Variants in NBN observed in about 807,000 individuals in gnomAD.
NBN encodes the protein Nijmegen breakage syndrome 1 (nibrin).
In NBN, 88 loss-of-function variants were observed where a neutral mutation model predicts 90.8. The observed-to-expected ratio is 0.97, with a 90% CI of 0.82 to 1.16. NBN has a LOEUF of 1.16. Ranked by LOEUF, NBN falls within the 50% of genes most tolerant of loss-of-function variation. NBN has a pLI of 0.00. For synonymous variants in NBN, 328 were observed against 295.1 expected (o/e 1.11, Z -1.14); for missense variants, 894 against 869.6 (o/e 1.03, Z -0.35).
intron 10 of NBN, 66 bp from the exon 11 acceptor site, chr8:89,953,757 T>G (rs1027822672): frequency 1.6e-6 from 2 of 1,268,876 alleles, no homozygotes; most frequent in African/African-American, 3.0e-5. Context: ...ACCATTTAGT[T>G]TGGCAATATT....
Position 89,953,658 on chromosome 8 carries a change from T to C in NBN, c.1431A>G (p.Ser477=), listed in dbSNP as rs759060729. The C allele has an allele frequency of 6.2e-7, 1 of 1,612,304 alleles. No individual in the cohort carries two copies. The highest frequency in any genetic ancestry group is 8.5e-7 in the Non-Finnish European group (1 of 1,179,428). ...ERDEENQEMS[S]CKSARIETSC... is the part of the protein sequence containing the mutation. The stretch of plus-strand genomic sequence containing the variant: ...ACGTTTCTATTCTTGCTGATTTGCA[T>C]GAAGACATTTCTTGATTTTCTTCAT... The change falls in exon 11 of 16, where the codon TCA becomes TCG. Residue 477 remains serine (S), a synonymous_variant. Coordinates refer to ENST00000265433, the MANE Select transcript of NBN (RefSeq NM_002485.5).
intron 7 of NBN, among the ~76,000 whole-genome samples, chr8:89,969,024 G>A (rs1427600927): frequency 6.6e-6 from 1 of 152,120 alleles, no homozygotes; most frequent in Non-Finnish European, 1.5e-5. Flanking sequence ...AAGCCTGTAA[G>A]AGAAAAAAAG....
At position 89,982,746 on chromosome 8, in the gene NBN, A is replaced by G. The variant is rs749206453; in HGVS notation, c.147T>C (p.Thr49=). The change falls in exon 2 of 16, where the codon ACT becomes ACC. Residue 49 remains threonine (T), a synonymous_variant. Coordinates refer to ENST00000265433, the MANE Select transcript of NBN (RefSeq NM_002485.5). The part of the protein sequence containing the change: ...QSISRNHAVL[T]ANFSVTNLSQ... ...CCAGGTTGGTTACAGAAAAGTTAGC[A>G]GTTAACACAGCATGATTTCGGCTGA... 6.2e-7 allele frequency: 1 copy of G among 1,614,030 alleles called. No homozygotes were observed. The highest frequency in any genetic ancestry group is 2.2e-5 in the East Asian group (1 of 44,848).
intron 14 of NBN, among the ~76,000 whole-genome samples, chr8:89,942,965 G>A (rs1439148268): frequency 6.7e-6 from 1 of 149,814 alleles, no homozygotes; most frequent in Non-Finnish European, 1.5e-5. Flanking sequence ...CATTCTTTTA[G>A]TTTCCCTTAA....
rs1586035456 is a variant in NBN at position 89,943,345 on chromosome 8, T to C, written c.2092A>G (p.Lys698Glu). 6.2e-7 allele frequency: 1 copy of C among 1,607,948 alleles called. No homozygotes were observed. The highest frequency in any genetic ancestry group is 8.5e-7 in the Non-Finnish European group (1 of 1,174,478). Residue 698 changes from lysine to glutamate, a missense_variant, in exon 14 of 16, where the codon AAA (lysine) becomes GAA (glutamate). Transcript: ENST00000265433. The part of the protein sequence containing the change: ...FKKVTYPGAG[K>E]LPHIIGGSDL... ...GATCCTCCAATGATGTGTGGAAGTT[T>C]TCCTGCTCCAGGATATGTGACCTAT...
intron 1 of NBN, 59 bp downstream of exon 1, chr8:89,984,466 C>T: frequency 1.3e-6 from 2 of 1,518,286 alleles, no homozygotes; most frequent in Non-Finnish European, 1.8e-6. Context: ...CCCGCAGGCC[C>T]TCCCCCGAGG....
At chr8:89,984,135 G>C (rs1812211531) in intron 1 of NBN, 1 of 354,114 alleles carries the variant, frequency 2.8e-6, no homozygotes, top group Non-Finnish European at 5.3e-6. Context: ...CACAAGTCAT[G>C]TGTGGCCCCC....
intron 11 of NBN, among the ~76,000 whole-genome samples, chr8:89,950,581 C>G (rs962523490): frequency 1.3e-5 from 2 of 152,046 alleles, no homozygotes; most frequent in African/African-American, 2.4e-5. Context: ...CTCCAAAAGC[C>G]TACAACAACA....
At chr8:89,964,561 A>G in intron 7 of NBN, 54 bp from the exon 8 acceptor site, 2 of 1,500,850 alleles carry the variant, frequency 1.3e-6, no homozygotes, top group Admixed American at 3.4e-5. Flanking sequence ...AGCAACTTTT[A>G]TTCAGATAAT....
rs1554569658 is a variant in NBN, at chr8:89,984,526, T to G, written c.36A>C (p.Gly12=). The change falls in exon 1 of 16, where the codon GGA becomes GGC. Residue 12 remains glycine, a splice_region_variant and synonymous_variant. Transcript: ENST00000265433. ...WKLLPAAGPA[G]GEPYRLLTGV... is the part of the protein sequence containing the mutation. ...CCGAGGCTTCCCTTCTGCCCTTACC[T>G]CCTGCCGGGCCCGCGGCGGGCAGCA... 1 of 1,612,956 alleles carries G rather than the reference T, an allele frequency of 6.2e-7. No individual in the cohort carries two copies. The highest frequency in any genetic ancestry group is 8.5e-7 in the Non-Finnish European group (1 of 1,179,578).
At chr8:89,959,471 A>G (rs531268350) in intron 8 of NBN, among the ~76,000 whole-genome samples, 1 of 152,304 alleles carries the variant, frequency 6.6e-6, no homozygotes, top group East Asian at 1.9e-4. Flanking sequence ...TAACAATTCA[A>G]GCCAGGTGCA....
At chr8:89,967,232 G>T (rs1047331207) in intron 7 of NBN, among the ~76,000 whole-genome samples, 6 of 152,138 alleles carry the variant, frequency 3.9e-5, no homozygotes, top group African/African-American at 1.4e-4. Context: ...AGTGAGTGTG[G>T]GTGGGTGTGT....
chr8:89,961,446 C>CA lies in NBN; in HGVS notation c.995-2593dup, dbSNP rs1389426531. On this transcript the variant is annotated intron_variant, in intron 8 of 15. Coordinates refer to ENST00000265433, the MANE Select transcript of NBN (RefSeq NM_002485.5). ...GTAGGAAGAAACTCCGGCTGGAATG[C>CA]AAAAAAGCTACTGAGCATAGAAACA... Among the ~76,000 whole-genome samples, 4 of 152,116 alleles carry CA rather than the reference C, an allele frequency of 2.6e-5. No homozygotes were observed. In the East Asian group the frequency reaches 7.7e-4, roughly 29 times the overall value.
chr8:89,973,158 CT>C (rs1324222170), intron 5 of NBN, among the ~76,000 whole-genome samples: 8 of 152,168 alleles, frequency 5.3e-5, no homozygotes, highest in Non-Finnish European at 2.9e-5. Flanking sequence ...GAAACTGTAA[CT>C]TTTTTTGGCT....
intron 2 of NBN, chr8:89,981,911 C>T (rs768651844): frequency 9.7e-5 from 89 of 916,712 alleles, no homozygotes; most frequent in Middle Eastern, 3.6e-4. Flanking sequence ...AAAAATTAGT[C>T]CCATGAGAAT....
chr8:89,944,477 C>T (rs1810097429), intron 13 of NBN, among the ~76,000 whole-genome samples: 1 of 152,184 alleles, frequency 6.6e-6, no homozygotes, highest in Non-Finnish European at 1.5e-5. Context: ...TGTGCTCAGT[C>T]CTCTCGCTGA....
chr8:89,968,303 G>A (rs1323851521), intron 7 of NBN, among the ~76,000 whole-genome samples: 1 of 152,006 alleles, frequency 6.6e-6, no homozygotes. Flanking sequence ...GGGGCCAAGT[G>A]TCACCTCATG....
rs13312871 is a variant in NBN at position 89,978,732 on chromosome 8, C to A, written c.481-409G>T. On this transcript the variant is annotated intron_variant, in intron 4 of 15. Coordinates refer to ENST00000265433, the MANE Select transcript of NBN (RefSeq NM_002485.5). ...AGGGAAGACAATATTAGGAGATGAA[C>A]ATGAGCTATTTTTAGACTAATTGTC... is the stretch of plus-strand genomic sequence containing the variant. 7.7e-3 allele frequency among the ~76,000 whole-genome samples: 1,168 copies of A among 152,242 alleles called. 17 individuals are homozygous for A. Among genetic ancestry groups the A allele is most frequent in the African/African-American group, 0.027 (1,126 of 41,552 alleles).
At chr8:89,937,185 T>C in intron 14 of NBN, 110 bp from the exon 15 acceptor site, 1 of 944,186 alleles carries the variant, frequency 1.1e-6, no homozygotes, top group Non-Finnish European at 1.7e-6. Context: ...ATCCTGGAGG[T>C]CACCACATCT....
Sources: gnomAD v4.1 joint callset for allele counts (sites outside exome capture counted in the v4.1 genomes callset) on GRCh38, gnomAD v4.1.1 for gene constraint, MANE v1.5 for transcripts, NCBI Gene and HGNC (gene_info 2026-07-23, HGNC 2026-07-21) for gene names.